EYS: variants seen among roughly 807,000 people sequenced by gnomAD.
EYS encodes the protein EGF-like photoreceptor maintenance factor, also known as protein eyes shut homolog.
In EYS, 250 loss-of-function variants were observed where a neutral mutation model predicts 282.1. That is an observed-to-expected ratio of 0.89 (90% confidence interval 0.80 to 0.98). The LOEUF is 0.98. Among genes scored for constraint, EYS ranks in the 50% least tolerant of loss-of-function variants. EYS has a pLI of 0.00. For synonymous variants in EYS, 1,355 were observed against 1,282.9 expected, an observed-to-expected ratio of 1.06 and a Z score of -1.20; for missense variants, 4,016 against 3,709.0, an observed-to-expected ratio of 1.08 and a Z score of -2.15.
At chr6:64,320,445 T>C (rs989828492) in intron 29 of EYS, among the ~76,000 whole-genome samples, 16 of 151,928 alleles carry the variant, frequency 1.1e-4, no homozygotes, top group African/African-American at 3.1e-4. Context: ...TCTTTTATTC[T>C]GCAGTGTGTA....
At chr6:65,022,748 T>C (rs1278175957) in intron 13 of EYS, among the ~76,000 whole-genome samples, 1 of 150,794 alleles carries the variant, frequency 6.6e-6, no homozygotes, top group Non-Finnish European at 1.5e-5. Flanking sequence ...TATTTTTCTA[T>C]TTAATTTAAA....
chr6:64,945,371 C>A (rs1216467401), intron 15 of EYS, among the ~76,000 whole-genome samples: 2 of 151,942 alleles, frequency 1.3e-5, no homozygotes, highest in Non-Finnish European at 2.9e-5. Context: ...TAAAATATAT[C>A]AAAAATTTTA....
At chr6:64,395,470 G>T (rs150858274) in intron 28 of EYS, among the ~76,000 whole-genome samples, 1 of 152,038 alleles carries the variant, frequency 6.6e-6, no homozygotes, top group Non-Finnish European at 1.5e-5. Flanking sequence ...TGATGAGTTC[G>T]TGTCCTTTGT....
chr6:65,623,448 T>G (rs750054240), intron 2 of EYS, among the ~76,000 whole-genome samples: 28 of 152,324 alleles, frequency 1.8e-4, no homozygotes, highest in Non-Finnish European at 3.2e-4. Flanking sequence ...CAAAATAATT[T>G]GGGTAATTTT....
intron 2 of EYS, among the ~76,000 whole-genome samples, chr6:65,626,110 T>G (rs2149804882): frequency 6.6e-6 from 1 of 152,246 alleles, no homozygotes; most frequent in East Asian, 1.9e-4. Flanking sequence ...CCCTAAGAGG[T>G]TCCACAAATA....
intron 10 of EYS, among the ~76,000 whole-genome samples, chr6:65,343,670 G>A (rs560846165): frequency 4.0e-5 from 6 of 150,960 alleles, no homozygotes; most frequent in South Asian, 2.1e-4. Context: ...AAATCTCTCA[G>A]AGATTTAAAC....
At chr6:65,348,133 T>C (rs1233405792) in intron 9 of EYS, among the ~76,000 whole-genome samples, 1 of 151,780 alleles carries the variant, frequency 6.6e-6, no homozygotes, top group Non-Finnish European at 1.5e-5. Context: ...CATTCATCTG[T>C]TGGTGGACAC....
chr6:65,272,650 A>T (rs570315800), intron 12 of EYS, among the ~76,000 whole-genome samples: 1 of 152,284 alleles, frequency 6.6e-6, no homozygotes, highest in African/African-American at 2.4e-5. Context: ...AACTATTAGG[A>T]TATACATTAA....
chr6:64,329,960 G>T (rs985856150), intron 29 of EYS, among the ~76,000 whole-genome samples: 5 of 152,012 alleles, frequency 3.3e-5, no homozygotes, highest in Admixed American at 6.6e-5. Context: ...CCTTTGAGTG[G>T]GGCTTATCAC....
intron 8 of EYS, among the ~76,000 whole-genome samples, chr6:65,374,869 G>T (rs1765301702): frequency 6.6e-6 from 1 of 152,122 alleles, no homozygotes; most frequent in African/African-American, 2.4e-5. Context: ...CGAAAGAAAG[G>T]CAGCTGCCCC....
intron 22 of EYS, among the ~76,000 whole-genome samples, chr6:64,799,757 A>T (rs1774479923): frequency 6.6e-6 from 1 of 151,524 alleles, no homozygotes. Flanking sequence ...GAGCCAAAAG[A>T]AAACATTTAT....
intron 11 of EYS, among the ~76,000 whole-genome samples, chr6:65,313,596 G>T (rs555650759): frequency 6.6e-6 from 1 of 150,436 alleles, no homozygotes; most frequent in Non-Finnish European, 1.5e-5. Context: ...TTATTCTCAC[G>T]TTAGCTGTTC....
At position 64,620,036 on chromosome 6, in the gene EYS, A is replaced by G. The variant is rs557176837; in HGVS notation, c.3569-2503T>C. ...TCAAAGACAACAAACAAGGATAGAA[A>G]ATAAATTAGTCAAGATTCATTACAA... On this transcript the variant is annotated intron_variant, in intron 23 of 42. Transcript: ENST00000503581. Among the ~76,000 whole-genome samples the G allele has an allele frequency of 2.6e-5, 4 of 152,312 alleles. No homozygotes were observed. In the East Asian group the frequency reaches 7.7e-4, roughly 29 times the overall value.
At chr6:64,912,865 A>G (rs1768045029) in intron 15 of EYS, 122 bp from the exon 16 acceptor site, 2 of 503,846 alleles carry the variant, frequency 4.0e-6, no homozygotes, top group Non-Finnish European at 6.5e-6. Context: ...CAGGACTAAT[A>G]AATAATACAT....
intron 29 of EYS, among the ~76,000 whole-genome samples, chr6:64,347,374 T>G (rs1771449416): frequency 6.6e-6 from 1 of 151,424 alleles, no homozygotes; most frequent in South Asian, 2.1e-4. Context: ...TTTGAGGACT[T>G]CTTAGCTTAT....
rs564087063 is a variant in EYS at position 65,168,280 on chromosome 6, T to C, written c.2024-110553A>G. Among the ~76,000 whole-genome samples, 7 of 151,366 alleles carry C rather than the reference T, an allele frequency of 4.6e-5. No homozygotes were observed. In the South Asian group the frequency reaches 8.3e-4, roughly 18 times the overall value. On this transcript the variant is annotated intron_variant, in intron 12 of 42. Transcript: ENST00000503581. Reference sequence around the variant, plus strand: ...GCAGTCCAGTACCACCAAAATCTAATTGCAAAAAATAAGATGGCTTGAAAT... The same window carrying C: ...GCAGTCCAGTACCACCAAAATCTAACTGCAAAAAATAAGATGGCTTGAAAT...
intron 2 of EYS, among the ~76,000 whole-genome samples, chr6:65,565,244 CAAAAAAAA>C (rs765596305): frequency 1.2e-3 from 2 of 1,618 alleles, no homozygotes; most frequent in Non-Finnish European, 1.6e-3. Flanking sequence ...GACTCCGTCT[CAAAAAAAA>C]AAAAAAAAAA....
Position 65,202,255 on chromosome 6 carries a change from G to A in EYS, c.2023+93608C>T, listed in dbSNP as rs866189135. ...AAAGTAATAAAAAATAAAGGAAATC[G>A]GGTATTCTGTATATTGACACAATAT... On this transcript the variant is annotated intron_variant, in intron 12 of 42. Transcript: ENST00000503581. Among the ~76,000 whole-genome samples the A allele has an allele frequency of 3.9e-5, 6 of 152,030 alleles. No homozygotes were observed. The South Asian group carries it at 8.3e-4, about 21-fold the overall frequency.
intron 26 of EYS, among the ~76,000 whole-genome samples, chr6:64,454,821 T>C (rs1775502010): frequency 6.6e-6 from 1 of 152,182 alleles, no homozygotes; most frequent in African/African-American, 2.4e-5. Flanking sequence ...ATCCTTGTGA[T>C]ATTTTATCTT....
Sources: gnomAD v4.1 joint callset for allele counts (sites outside exome capture counted in the v4.1 genomes callset) on GRCh38, gnomAD v4.1.1 for gene constraint, MANE v1.5 for transcripts, NCBI Gene and HGNC (gene_info 2026-07-23, HGNC 2026-07-21) for gene names.